SAMD12: variants seen among roughly 807,000 people sequenced by gnomAD.
SAMD12 encodes the protein sterile alpha motif domain-containing protein 12.
SAMD12 carries 9 observed loss-of-function variants against 15.0 expected under a neutral mutation model. That is an observed-to-expected ratio of 0.60 (90% CI 0.36 to 1.05). The LOEUF (loss-of-function observed/expected upper bound fraction) is 1.05. SAMD12 is among the 50% of genes least tolerant of loss of function. The pLI, the probability that SAMD12 is intolerant of heterozygous loss-of-function variation, is 0.01. For synonymous variants in SAMD12, 86 were observed against 90.1 expected (o/e 0.96, Z 0.25); for missense variants, 230 against 234.2 (o/e 0.98, Z 0.12).
intron 2 of SAMD12, among the ~76,000 whole-genome samples, chr8:118,549,930 A>G (rs554665127): frequency 5.3e-5 from 8 of 152,234 alleles, no homozygotes; most frequent in Non-Finnish European, 8.8e-5. Context: ...GGGTATCAGC[A>G]ATGGAAGATG....
chr8:118,318,227 A>G (rs996571493), intron 4 of SAMD12, among the ~76,000 whole-genome samples: 1 of 151,082 alleles, frequency 6.6e-6, no homozygotes, highest in African/African-American at 2.4e-5. Flanking sequence ...ATTATATGAA[A>G]AAGACACGTG....
intron 1 of SAMD12, among the ~76,000 whole-genome samples, chr8:118,590,413 T>C (rs1303774708): frequency 6.6e-6 from 1 of 152,234 alleles, no homozygotes; most frequent in Non-Finnish European, 1.5e-5. Flanking sequence ...ATCTCCAAAA[T>C]GTCAGCTGAG....
Position 118,267,993 on chromosome 8 carries a change from G to A in SAMD12, c.434-70261C>T, listed in dbSNP as rs116197574. On this transcript the variant is annotated intron_variant, in intron 4 of 4. Coordinates refer to the SAMD12 transcript ENST00000409003. ...TGTAATCTGAGCTATTTGGGAGGCT[G>A]AGGCAGAAGAATAGCTTGAACTAAG... Among the ~76,000 whole-genome samples the A allele has an allele frequency of 8.6e-3, 1,303 of 152,318 alleles. 21 individuals carry two copies. The highest frequency in any genetic ancestry group is 0.03 in the African/African-American group (1,261 of 41,552).
At chr8:118,531,917 A>C (rs1448761878) in intron 2 of SAMD12, among the ~76,000 whole-genome samples, 1 of 152,084 alleles carries the variant, frequency 6.6e-6, no homozygotes, top group African/African-American at 2.4e-5. Context: ...AATACCCTTT[A>C]TTTCTTTCTC....
intron 2 of SAMD12, among the ~76,000 whole-genome samples, chr8:118,526,080 G>A (rs757259736): frequency 3.3e-5 from 5 of 152,168 alleles, no homozygotes; most frequent in Admixed American, 6.5e-5. Context: ...CAAAATTTGA[G>A]TGTGTGAAGA....
chr8:118,244,112 C>A (rs2129981393), intron 4 of SAMD12, among the ~76,000 whole-genome samples: 1 of 152,238 alleles, frequency 6.6e-6, no homozygotes, highest in East Asian at 1.9e-4. Context: ...ATCATGACCA[C>A]ATCATGACTT....
intron 3 of SAMD12, among the ~76,000 whole-genome samples, chr8:118,401,857 C>T (rs531175644): frequency 1.3e-5 from 2 of 152,236 alleles, no homozygotes; most frequent in East Asian, 3.9e-4. Flanking sequence ...TGTATTTAAC[C>T]TTGAGATTTT....
exon 5 of SAMD12, chr8:118,191,583 C>A (rs2514739): frequency 1.3e-5 from 2 of 150,880 alleles, no homozygotes; most frequent in African/African-American, 4.9e-5. Context: ...TCAGGCACTT[C>A]GAAACCTCTG....
intron 4 of SAMD12, among the ~76,000 whole-genome samples, chr8:118,242,127 C>G (rs1352027243): frequency 1.3e-5 from 2 of 152,152 alleles, no homozygotes; most frequent in African/African-American, 4.8e-5. Context: ...GTTGTTCAGG[C>G]TAGTCTCAAA....
At chr8:118,447,055 G>A (rs74888027) in intron 2 of SAMD12, among the ~76,000 whole-genome samples, 3,651 of 152,050 alleles carry the variant, frequency 0.024, 130 homozygotes, top group African/African-American at 0.083. Flanking sequence ...TATGCTTCCC[G>A]CTGTGGAGGC....
chr8:118,450,039 G>T (rs1005942192), intron 2 of SAMD12, among the ~76,000 whole-genome samples: 1 of 152,034 alleles, frequency 6.6e-6, no homozygotes, highest in Non-Finnish European at 1.5e-5. Flanking sequence ...CATGTACAAG[G>T]TGTCCCAATT....
chr8:118,207,201 G>C (rs1477875841), intron 4 of SAMD12, among the ~76,000 whole-genome samples: 1 of 152,208 alleles, frequency 6.6e-6, no homozygotes, highest in African/African-American at 2.4e-5. Context: ...AGATGGCAAA[G>C]CCTCACCCAG....
chr8:118,609,183 T>C (rs929230554), intron 1 of SAMD12, among the ~76,000 whole-genome samples: 11 of 152,180 alleles, frequency 7.2e-5, no homozygotes, highest in African/African-American at 2.7e-4. Context: ...AGGGTGGTCA[T>C]AGTGTGGTGG....
chr8:118,561,333 T>C (rs1017298852), intron 2 of SAMD12, among the ~76,000 whole-genome samples: 1 of 152,230 alleles, frequency 6.6e-6, no homozygotes, highest in Non-Finnish European at 1.5e-5. Flanking sequence ...TTCTGTACAG[T>C]TAATTTAAAA....
chr8:118,396,822 T>G (rs1820595289), intron 3 of SAMD12, among the ~76,000 whole-genome samples: 1 of 152,178 alleles, frequency 6.6e-6, no homozygotes, highest in East Asian at 1.9e-4. Context: ...GAGCTTCTGT[T>G]GAGCCCATAG....
At chr8:118,605,966 G>C (rs1827978276) in intron 1 of SAMD12, among the ~76,000 whole-genome samples, 1 of 151,846 alleles carries the variant, frequency 6.6e-6, no homozygotes. Flanking sequence ...GTGTTTTTAT[G>C]ATTTCTTTCT....
chr8:118,229,076 C>A (rs1326688880), intron 4 of SAMD12, among the ~76,000 whole-genome samples: 2 of 152,154 alleles, frequency 1.3e-5, no homozygotes, highest in African/African-American at 2.4e-5. Context: ...TATGTGGGAG[C>A]TAAGCTATGA....
At chr8:118,412,072 T>G (rs762742711) in intron 3 of SAMD12, among the ~76,000 whole-genome samples, 3 of 152,140 alleles carry the variant, frequency 2.0e-5, no homozygotes, top group Non-Finnish European at 4.4e-5. Context: ...ATAGAAAAAG[T>G]TTACTAGCCC....
At chr8:118,283,948 T>C (rs558294069) in intron 4 of SAMD12, among the ~76,000 whole-genome samples, 1 of 152,182 alleles carries the variant, frequency 6.6e-6, no homozygotes, top group Non-Finnish European at 1.5e-5. Context: ...TTCTGGTATA[T>C]AGAAGTCCTC....
Sources: allele counts gnomAD v4.1 joint callset (sites outside exome capture counted in the v4.1 genomes callset), GRCh38; gene constraint gnomAD v4.1.1; transcripts MANE v1.5; gene names NCBI Gene and HGNC (gene_info 2026-07-23, HGNC 2026-07-21).